The following RRAGD variants were observed in gnomAD, a reference collection of about 807,000 sequenced individuals.
The protein encoded by RRAGD is ras-related GTP-binding protein D.
A neutral mutation model predicts 35.5 loss-of-function variants in RRAGD; 12 were observed. The observed-to-expected ratio is 0.34, with a 90% CI of 0.22 to 0.55. RRAGD has a LOEUF of 0.55. Among genes scored for constraint, RRAGD ranks in the 20% least tolerant of loss-of-function variants. RRAGD has a pLI of 0.91. For missense variants in RRAGD, 324 were observed against 490.1 expected (o/e 0.66, Z 3.20); for synonymous variants, 155 against 178.9 (o/e 0.87, Z 1.07).
intron 1 of RRAGD, among the ~76,000 whole-genome samples, chr6:89,407,558 C>T (rs747980709): frequency 6.6e-6 from 1 of 152,134 alleles, no homozygotes; most frequent in Admixed American, 6.5e-5. Flanking sequence ...AGGAGAATCA[C>T]CTGAACCCAG....
At chr6:89,407,048 A>C (rs1262803167) in intron 1 of RRAGD, among the ~76,000 whole-genome samples, 1 of 152,224 alleles carries the variant, frequency 6.6e-6, no homozygotes, top group Non-Finnish European at 1.5e-5. Context: ...TATTCTTACA[A>C]ACTTTTTAAC....
In RRAGD at chr6:89,365,864, G is replaced by A. The variant is rs1348221279; in HGVS notation, c.*2192C>T. ...CTAGTGTCTCTAGCTTGAGGATAAA[G>A]TCATATTAGAAAACTGATTCTTCAT... On this transcript the variant is annotated 3_prime_UTR_variant, in exon 7 of 7. Transcript: ENST00000369415. 1 of 152,188 alleles carries A rather than the reference G, an allele frequency of 6.6e-6. No individual in the cohort carries two copies. The highest frequency in any genetic ancestry group is 1.5e-5 in the Non-Finnish European group (1 of 68,030). The allele number at this position is 152,188 out of a possible 1,614,324, so 9.4% of individuals were successfully genotyped here. A position where few individuals can be genotyped will look rare whatever the true frequency, so the allele number is the denominator to read the frequency against.
In RRAGD at chr6:89,368,163, C is replaced by A. The variant is rs1768787696; in HGVS notation, c.1096G>T (p.Glu366Ter). Residue 366 changes from glutamate (E) to a stop codon, truncating the protein, a stop_gained, in exon 7 of 7, where the codon GAA (glutamate) becomes TAA (stop). Coordinates refer to ENST00000369415, the MANE Select transcript of RRAGD (RefSeq NM_021244.5). LOFTEE classifies it high-confidence loss of function. ...NFHCFRKAIH[E>*]VFEVRMKVVK... ...ACTTTCATTCTCACCTCAAAAACTT[C>A]ATGAATGGCCTTCCGGAAGCAATGA... The A allele has an allele frequency of 6.2e-7, 1 of 1,613,906 alleles. No individual in the cohort carries two copies. The highest frequency in any genetic ancestry group is 8.5e-7 in the Non-Finnish European group (1 of 1,179,948).
Position 89,372,557 on chromosome 6 carries a change from A to G in RRAGD, c.931T>C (p.Tyr311His). ...ATGATGGCTGTGGATTCCTTGTCAT[A>G]GGGGGTTCCTGCTCCATCTTCTTTG... ...GLKEDGAGTP[Y>H]DKESTAIIKL... The change falls in exon 6 of 7, where the codon TAT (tyrosine) becomes CAT (histidine). Residue 311 changes from tyrosine to histidine, a missense_variant. Tyr to His is a moderately conservative substitution (Grantham distance 83). Around this residue, in one of 5 missense-constraint regions of RRAGD, gnomAD observed 152 missense variants for 296.9 expected, o/e 0.51. Transcript: ENST00000369415. 1.3e-6 allele frequency: 2 copies of G among 1,567,684 alleles called. No individual in the cohort carries two copies. Among genetic ancestry groups the G allele is most frequent in the Non-Finnish European group, 1.7e-6 (2 of 1,160,914 alleles).
chr6:89,412,230 G>C lies in RRAGD; in HGVS notation c.-237C>G, dbSNP rs1470111026. 7.1e-6 allele frequency: 2 copies of C among 280,430 alleles called. No individual in the cohort carries two copies. Among genetic ancestry groups the C allele is most frequent in the Non-Finnish European group, 1.3e-5 (2 of 154,524 alleles). The allele number at this position is 280,430 out of a possible 1,614,324, so 17.4% of individuals were successfully genotyped here. ...CCGCCCGCCGGCGGAGGAGTCAGCC[G>C]GAGCGCGGCAGTTCCTCCCGGAGGA... On this transcript the variant is annotated 5_prime_UTR_variant, in exon 1 of 7. Coordinates refer to ENST00000369415, the MANE Select transcript of RRAGD (RefSeq NM_021244.5). The surrounding 1 kb of genome is among the most constrained non-coding windows in gnomAD (Gnocchi z 4.2).
At chr6:89,393,641 T>C (rs1769278566) in intron 1 of RRAGD, among the ~76,000 whole-genome samples, 1 of 152,226 alleles carries the variant, frequency 6.6e-6, no homozygotes. Flanking sequence ...CAGAGGTGGA[T>C]ACAGTACCAT....
chr6:89,385,913 T>C (rs1219621222), intron 2 of RRAGD, among the ~76,000 whole-genome samples: 1 of 152,150 alleles, frequency 6.6e-6, no homozygotes, highest in African/African-American at 2.4e-5. Context: ...ATGGGGAGTC[T>C]ACTCAGAGGA....
rs1181058454 is a variant in RRAGD, at chr6:89,366,422, C to A, written c.*1634G>T. On this transcript the variant is annotated 3_prime_UTR_variant, in exon 7 of 7. Transcript: ENST00000369415. ...TTGTGCACACCTGTAGTTCTAGCTA[C>A]TAGGGAGGCTGAGGTGGAAGGATCC... is the stretch of plus-strand genomic sequence containing the variant. 1 of 151,240 alleles carries A rather than the reference C, an allele frequency of 6.6e-6. No homozygotes were observed. Among genetic ancestry groups the A allele is most frequent in the Non-Finnish European group, 1.5e-5 (1 of 67,986 alleles). The allele number at this position is 151,240 out of a possible 1,614,324, so 9.4% of individuals were successfully genotyped here.
At position 89,380,203 on chromosome 6, in the gene RRAGD, G is replaced by T. The variant is rs1325168161; in HGVS notation, c.609C>A (p.Asp203Glu). ...QRDIHQRAND[D>E]LADAGLEKIH... ...TTTTTTCTAATCCAGCATCTGCAAG[G>T]TCATCGTTTGCCCTCTGGTGAATAT... is the stretch of plus-strand genomic sequence containing the variant. The change falls in exon 3 of 7, where the codon GAC becomes GAA. Residue 203 changes from aspartate to glutamate, a missense_variant. By Grantham distance (45) the Asp-to-Glu change is conservative (BLOSUM62 2). Coordinates refer to ENST00000369415, the MANE Select transcript of RRAGD (RefSeq NM_021244.5). 3 of 1,614,162 alleles carry T rather than the reference G, an allele frequency of 1.9e-6. No homozygotes were observed. Among genetic ancestry groups the T allele is most frequent in the Non-Finnish European group, 1.7e-6 (2 of 1,180,026 alleles).
At chr6:89,401,701 C>G (rs1347832363) in intron 1 of RRAGD, among the ~76,000 whole-genome samples, 1 of 152,180 alleles carries the variant, frequency 6.6e-6, no homozygotes, top group East Asian at 1.9e-4. Flanking sequence ...GCTCTTCCCT[C>G]CATCTAGAAG....
At chr6:89,385,483 T>C (rs1769124422) in intron 2 of RRAGD, among the ~76,000 whole-genome samples, 1 of 152,062 alleles carries the variant, frequency 6.6e-6, no homozygotes, top group South Asian at 2.1e-4. Context: ...ACACACCCCA[T>C]CCACTCCCCT....
intron 1 of RRAGD, among the ~76,000 whole-genome samples, chr6:89,404,748 G>A (rs1345240013): frequency 6.6e-6 from 1 of 152,188 alleles, no homozygotes; most frequent in Non-Finnish European, 1.5e-5. Flanking sequence ...ATGGATTAGT[G>A]CCTCGAGTAC....
rs1173306908 is a variant in RRAGD, at chr6:89,364,732, G to T, written c.*3324C>A. 1 of 152,174 alleles carries T rather than the reference G, an allele frequency of 6.6e-6. No individual in the cohort carries two copies. Among genetic ancestry groups the T allele is most frequent in the East Asian group, 1.9e-4 (1 of 5,204 alleles). 9.4% of individuals were successfully genotyped at this position (152,174 alleles called of 1,614,324 possible). The stretch of plus-strand genomic sequence containing the variant: ...ACCAAATGGATGTAACAGGGCCAAT[G>T]AAACAGTGACATACATGTATGGTAA... On this transcript the variant is annotated 3_prime_UTR_variant, in exon 7 of 7. Coordinates refer to ENST00000369415, the MANE Select transcript of RRAGD (RefSeq NM_021244.5).
intron 1 of RRAGD, among the ~76,000 whole-genome samples, chr6:89,390,886 A>G (rs1769220107): frequency 6.6e-6 from 1 of 152,128 alleles, no homozygotes; most frequent in Non-Finnish European, 1.5e-5. Context: ...CAACAGAGTG[A>G]CACTCTGTCT....
chr6:89,387,260 C>T (rs1283894971), intron 2 of RRAGD, 35 bp downstream of exon 2: 2 of 1,594,884 alleles, frequency 1.3e-6, no homozygotes, highest in Non-Finnish European at 1.7e-6. Flanking sequence ...AGGGGACCGG[C>T]CAGGCCATCA....
At chr6:89,407,649 G>A (rs1427291320) in intron 1 of RRAGD, among the ~76,000 whole-genome samples, 2 of 151,984 alleles carry the variant, frequency 1.3e-5, no homozygotes, top group Non-Finnish European at 2.9e-5. Flanking sequence ...CTCAAAAGAA[G>A]GAAAGAAAGA....
At position 89,380,254 on chromosome 6, in the gene RRAGD, A is replaced by T. The variant is rs1463453668; in HGVS notation, c.558T>A (p.Asp186Glu). The change falls in exon 3 of 7, where the codon GAT (aspartate) becomes GAA (glutamate). Residue 186 changes from aspartate (D) to glutamate (E), a missense_variant. Transcript: ENST00000369415. ...CTCTTTGGGTTTCAATTTTGTGGTCATCTGACAGACCATCCACTTTATGAA... is the reference window on the plus strand; with the variant it reads ...CTCTTTGGGTTTCAATTTTGTGGTCTTCTGACAGACCATCCACTTTATGAA... ...VFIHKVDGLS[D>E]DHKIETQRDI... 6.2e-7 allele frequency: 1 copy of T among 1,614,258 alleles called. No individual in the cohort carries two copies. Among genetic ancestry groups the T allele is most frequent in the East Asian group, 2.2e-5 (1 of 44,884 alleles).
At chr6:89,388,193 C>T (rs1166612365) in intron 1 of RRAGD, among the ~76,000 whole-genome samples, 1 of 152,166 alleles carries the variant, frequency 6.6e-6, no homozygotes, top group East Asian at 1.9e-4. Context: ...TGGCTCAGGG[C>T]CCCCATCCAG....
chr6:89,399,832 A>G lies in RRAGD; in HGVS notation c.148+12014T>C, dbSNP rs560568863. 1.1e-3 allele frequency among the ~76,000 whole-genome samples: 153 copies of G among 142,600 alleles called. 1 individual carries two copies. The highest frequency in any genetic ancestry group is 2.0e-3 in the South Asian group (9 of 4,556). 93.6% of individuals were successfully genotyped at this position (142,600 alleles called of 152,430 possible). A position where few individuals can be genotyped will look rare whatever the true frequency, so the allele number is the denominator to read the frequency against. On this transcript the variant is annotated intron_variant, in intron 1 of 6. Transcript: ENST00000369415. Reference sequence around the variant, plus strand: ...TTGCCCAGGCTGGTCTGAAACTCCTACGCTCAAGTGATCCTCCCACTTCAG... The same window carrying G: ...TTGCCCAGGCTGGTCTGAAACTCCTGCGCTCAAGTGATCCTCCCACTTCAG...
Sources: gnomAD v4.1 joint callset for allele counts (sites outside exome capture counted in the v4.1 genomes callset) on GRCh38, gnomAD v4.1.1 for gene constraint, gnomAD v4.1.1 regional missense constraint, Gnocchi (gnomAD v3.1) non-coding constraint, MANE v1.5 for transcripts, NCBI Gene and HGNC (gene_info 2026-07-23, HGNC 2026-07-21) for gene names.